The following MYOF variants were observed in gnomAD, a reference collection of about 807,000 sequenced individuals.
MYOF encodes fer-1-like 3, myoferlin.
In MYOF, 244 loss-of-function variants were observed where a neutral mutation model predicts 284.2. The observed-to-expected ratio is 0.86, with a 90% CI of 0.77 to 0.95. The LOEUF (loss-of-function observed/expected upper bound fraction) is 0.95, where lower values mean the gene tolerates loss of function less well. Ranked by LOEUF, MYOF falls within the 40% of genes least tolerant of loss-of-function variation. MYOF has a pLI of 0.00. For synonymous variants in MYOF, 904 were observed against 919.7 expected, an observed-to-expected ratio of 0.98 and a Z score of 0.31; for missense variants, 2,496 against 2,560.6, an observed-to-expected ratio of 0.97 and a Z score of 0.54.
Position 93,387,900 on chromosome 10 carries a change from G to T in MYOF, c.1595C>A (p.Ala532Asp). The T allele has an allele frequency of 3.7e-6, 6 of 1,613,554 alleles. No individual in the cohort carries two copies. Among genetic ancestry groups the T allele is most frequent in the Non-Finnish European group, 5.1e-6 (6 of 1,179,646 alleles). Reference protein sequence around the residue: ...ELNTGKGEGVAYRGRILVELA... With the variant: ...ELNTGKGEGVDYRGRILVELA... ...TTCAACCAAGATCCTGCCTCTGTAG[G>T]CAACTCCTTCCCCCTGAAAGGCAAT... Residue 532 changes from alanine (A) to aspartate (D), a missense_variant, in exon 19 of 54, where the codon GCC becomes GAC. Ala to Asp is a moderately radical substitution (Grantham distance 126). Transcript: ENST00000359263.
At chr10:93,438,715 T>G (rs1358288152) in intron 3 of MYOF, among the ~76,000 whole-genome samples, 1 of 152,064 alleles carries the variant, frequency 6.6e-6, no homozygotes, top group East Asian at 1.9e-4. Context: ...CAACGCGGGA[T>G]CTGGGGAGAG....
At chr10:93,408,481 G>A (rs1461585605) in intron 7 of MYOF, among the ~76,000 whole-genome samples, 1 of 151,168 alleles carries the variant, frequency 6.6e-6, no homozygotes, top group Non-Finnish European at 1.5e-5. Flanking sequence ...AGGTTGCAGT[G>A]AGCCGAGATC....
intron 51 of MYOF, among the ~76,000 whole-genome samples, chr10:93,312,552 G>GT (rs1030006486): frequency 1.3e-5 from 2 of 151,642 alleles, no homozygotes; most frequent in African/African-American, 4.8e-5. Flanking sequence ...TAGAGACGGT[G>GT]TTTTGCCACG....
At chr10:93,330,842 TTGAGCAGAAAACAGATG>T (rs1338218600) in intron 43 of MYOF, among the ~76,000 whole-genome samples, 1 of 152,124 alleles carries the variant, frequency 6.6e-6, no homozygotes. Context: ...GTTGATCCAT[TTGAGCAGAAAACAGATG>T]TGAGAAAAGG....
rs1277861280 is a variant in MYOF, at chr10:93,351,680, A to G, written c.3648T>C (p.Phe1216=). ...QNPPKVIMEL[F]DNDQVGKDEF... ...AACGACCTACCACTTGGTCATTGTC[A>G]AAAAGTTCCATGATAACTTTGGGTG... The change falls in exon 33 of 54, where the codon TTT becomes TTC. Residue 1216 remains phenylalanine (F), a synonymous_variant. Transcript: ENST00000359263. The G allele has an allele frequency of 1.9e-6, 3 of 1,585,514 alleles. No individual in the cohort carries two copies. In the Admixed American group the frequency reaches 5.6e-5, roughly 29 times the overall value.
At chr10:93,446,425 T>C (rs559707830) in intron 3 of MYOF, among the ~76,000 whole-genome samples, 5 of 152,172 alleles carry the variant, frequency 3.3e-5, no homozygotes, top group Non-Finnish European at 7.4e-5. Context: ...GATTAATTTC[T>C]CAGAAAGTGC....
intron 4 of MYOF, among the ~76,000 whole-genome samples, chr10:93,430,505 C>A (rs367785049): frequency 6.6e-6 from 1 of 151,162 alleles, no homozygotes; most frequent in East Asian, 2.0e-4. Flanking sequence ...TCACTTGAAC[C>A]CAGGAGGCAG....
Position 93,339,275 on chromosome 10 carries a change from T to A in MYOF, c.4338+878A>T, listed in dbSNP as rs764520428. Among the ~76,000 whole-genome samples, 184 of 152,026 alleles carry A rather than the reference T, an allele frequency of 1.2e-3. No homozygotes were observed. The Middle Eastern group carries it at 0.014, about 11-fold the overall frequency. On this transcript the variant is annotated intron_variant, in intron 39 of 53. Coordinates refer to ENST00000359263, the MANE Select transcript of MYOF (RefSeq NM_013451.4). ...ATCCGCTCACCTCAGCCTCCCAAAG[T>A]GCTGGGATTACAGGCGTGAGCCACC...
intron 5 of MYOF, chr10:93,425,818 T>A (rs920592481): frequency 2.3e-5 from 12 of 524,826 alleles, no homozygotes; most frequent in African/African-American, 2.1e-4. Context: ...GGAGCCGGCA[T>A]GTGCTTTTTG....
intron 28 of MYOF, among the ~76,000 whole-genome samples, chr10:93,360,732 C>A (rs1199022162): frequency 6.6e-6 from 1 of 152,226 alleles, no homozygotes; most frequent in Non-Finnish European, 1.5e-5. Flanking sequence ...TGCATCATTG[C>A]TGCATAGGAA....
intron 4 of MYOF, among the ~76,000 whole-genome samples, 194 bp from the exon 5 acceptor site, chr10:93,426,352 G>T (rs1366639955): frequency 6.6e-6 from 1 of 152,146 alleles, no homozygotes; most frequent in Non-Finnish European, 1.5e-5. Context: ...CCAAGGCAGG[G>T]TGGGGAAGTA....
intron 53 of MYOF, among the ~76,000 whole-genome samples, chr10:93,307,701 T>C (rs1024421198): frequency 3.3e-5 from 5 of 150,932 alleles, no homozygotes; most frequent in Non-Finnish European, 5.9e-5. Context: ...CTCCAGTCAC[T>C]GCAACCTTTG....
chr10:93,341,947 G>A, intron 38 of MYOF: 1 of 1,289,824 alleles, frequency 7.8e-7, no homozygotes, highest in Non-Finnish European at 1.0e-6. Context: ...TTTGCTGAGT[G>A]CTGTTGACAT....
At chr10:93,314,098 A>G (rs185769493) in intron 50 of MYOF, among the ~76,000 whole-genome samples, 6 of 151,822 alleles carry the variant, frequency 4.0e-5, no homozygotes, top group Non-Finnish European at 8.8e-5. Context: ...TAAGGCATTC[A>G]CTCTTTTTGA....
At chr10:93,383,496 C>T (rs1432468663) in intron 19 of MYOF, among the ~76,000 whole-genome samples, 1 of 152,126 alleles carries the variant, frequency 6.6e-6, no homozygotes, top group East Asian at 1.9e-4. Flanking sequence ...TCCACTGTCA[C>T]CTTGATAAGG....
chr10:93,403,658 A>G (rs1210585603), intron 9 of MYOF, among the ~76,000 whole-genome samples: 1 of 152,090 alleles, frequency 6.6e-6, no homozygotes, highest in Non-Finnish European at 1.5e-5. Flanking sequence ...TTCCTTTCAC[A>G]CTCTGAATTT....
At chr10:93,445,811 A>G (rs78698858) in intron 3 of MYOF, among the ~76,000 whole-genome samples, 2,615 of 152,334 alleles carry the variant, frequency 0.017, 86 homozygotes, top group African/African-American at 0.06. Flanking sequence ...GCAACAGGAA[A>G]GTCAACAGGC....
chr10:93,413,690 A>G (rs574738571), intron 5 of MYOF, among the ~76,000 whole-genome samples: 180 of 152,346 alleles, frequency 1.2e-3, no homozygotes, highest in Admixed American at 2.0e-3. Flanking sequence ...ACTTAAAACA[A>G]TAGAAATGTA....
At chr10:93,316,839 G>C (rs774993534) in intron 49 of MYOF, 26 bp from the exon 50 acceptor site, 3 of 1,582,918 alleles carry the variant, frequency 1.9e-6, no homozygotes, top group Non-Finnish European at 1.7e-6. Flanking sequence ...ACATGATCAT[G>C]ATGACTCTGA....
Sources: gnomAD v4.1 joint callset for allele counts (sites outside exome capture counted in the v4.1 genomes callset) on GRCh38, gnomAD v4.1.1 for gene constraint, MANE v1.5 for transcripts, NCBI Gene and HGNC (gene_info 2026-07-23, HGNC 2026-07-21) for gene names.